The following COL23A1 variants were observed in gnomAD, a reference collection of about 807,000 sequenced individuals.
COL23A1 encodes the protein collagen alpha-1(XXIII) chain.
Under a neutral mutation model 99.3 loss-of-function variants are expected in COL23A1, and 97 were observed. That is an observed-to-expected ratio of 0.98 (90% confidence interval 0.83 to 1.16). The LOEUF is 1.16. COL23A1 is among the 50% of genes most tolerant of loss of function. The probability of loss-of-function intolerance (pLI) is 0.00; values close to 1 mark genes in which losing one functional copy is unlikely to be tolerated. For missense variants in COL23A1, 762 were observed against 757.4 expected, an observed-to-expected ratio of 1.01 and a Z score of -0.07; for synonymous variants, 320 against 308.2, an observed-to-expected ratio of 1.04 and a Z score of -0.40.
At chr5:178,296,480 AC>A (rs1757748236) in intron 3 of COL23A1, among the ~76,000 whole-genome samples, 1 of 151,280 alleles carries the variant, frequency 6.6e-6, no homozygotes, top group Admixed American at 6.6e-5. Context: ...GCACTTCACG[AC>A]CCCCGCGGAT....
intron 9 of COL23A1, among the ~76,000 whole-genome samples, chr5:178,263,002 T>C (rs1177145252): frequency 6.6e-6 from 1 of 151,738 alleles, no homozygotes; most frequent in East Asian, 1.9e-4. Context: ...TAGGGTTGGG[T>C]TTGGGTCTGG....
intron 2 of COL23A1, among the ~76,000 whole-genome samples, chr5:178,331,940 G>A (rs1488570948): frequency 6.6e-6 from 1 of 152,226 alleles, no homozygotes; most frequent in Non-Finnish European, 1.5e-5. Flanking sequence ...GGGCACAGCT[G>A]CGGGAGGCTG....
intron 2 of COL23A1, among the ~76,000 whole-genome samples, chr5:178,321,550 C>T (rs1488210850): frequency 3.7e-5 from 5 of 136,578 alleles, no homozygotes; most frequent in African/African-American, 1.1e-4. Flanking sequence ...AGTGCAGTGG[C>T]ACGATCTCGG....
chr5:178,245,093 GTCCA>G (rs1402390476), intron 25 of COL23A1, among the ~76,000 whole-genome samples: 1 of 105,146 alleles, frequency 9.5e-6, no homozygotes, highest in African/African-American at 3.8e-5. Context: ...CCATCCATCC[GTCCA>G]TCCATCCCTC....
At chr5:178,413,726 A>C (rs1377158848) in intron 2 of COL23A1, among the ~76,000 whole-genome samples, 2 of 152,198 alleles carry the variant, frequency 1.3e-5, no homozygotes. Context: ...TCATTAGCCT[A>C]TGTGGGGATG....
intron 2 of COL23A1, among the ~76,000 whole-genome samples, chr5:178,523,239 CAGAGAGAGAGAGAGAGACAG>C (rs1258389108): frequency 8.2e-4 from 54 of 66,224 alleles, no homozygotes; most frequent in African/African-American, 2.5e-3. Context: ...GAGGGAGAGA[CAGAGAGAGAGAGAGAGACAG>C]AGAGAGAGAG....
intron 2 of COL23A1, among the ~76,000 whole-genome samples, chr5:178,400,351 A>G (rs1764375910): frequency 8.0e-6 from 1 of 125,470 alleles, no homozygotes; most frequent in African/African-American, 3.2e-5. Flanking sequence ...TGGGCGACAG[A>G]GCGAGACTCC....
At chr5:178,269,454 C>T (rs1240561380) in intron 6 of COL23A1, among the ~76,000 whole-genome samples, 10 of 76,650 alleles carry the variant, frequency 1.3e-4, no homozygotes, top group African/African-American at 5.0e-4. Context: ...CACCCATCCA[C>T]CCATCCATCC....
intron 5 of COL23A1, among the ~76,000 whole-genome samples, chr5:178,283,353 A>G (rs2127578804): frequency 6.6e-6 from 1 of 152,236 alleles, no homozygotes; most frequent in South Asian, 2.1e-4. Flanking sequence ...GTACCTGAAC[A>G]CACAAAGCTT....
chr5:178,342,988 G>C (rs545829466), intron 2 of COL23A1, among the ~76,000 whole-genome samples: 89 of 152,332 alleles, frequency 5.8e-4, no homozygotes, highest in Non-Finnish European at 1.3e-4. Flanking sequence ...GGACTGTAAG[G>C]CCACAGGGGA....
chr5:178,264,658 T>C (rs1474634990), intron 8 of COL23A1, among the ~76,000 whole-genome samples: 1 of 152,132 alleles, frequency 6.6e-6, no homozygotes, highest in Non-Finnish European at 1.5e-5. Flanking sequence ...AAGATGTTTT[T>C]TTGTTTGTTT....
chr5:178,289,459 A>G (rs562183615), intron 4 of COL23A1, among the ~76,000 whole-genome samples: 5 of 152,278 alleles, frequency 3.3e-5, no homozygotes, highest in South Asian at 4.1e-4. Flanking sequence ...TGCTTCCCTC[A>G]TACCCTTCAC....
intron 2 of COL23A1, among the ~76,000 whole-genome samples, chr5:178,364,141 C>T (rs1391060353): frequency 1.3e-5 from 2 of 152,156 alleles, no homozygotes; most frequent in African/African-American, 2.4e-5. Context: ...CATTTAAAGC[C>T]GCGTGTGCTT....
chr5:178,545,305 G>A (rs1178251059), intron 2 of COL23A1, among the ~76,000 whole-genome samples: 3 of 152,104 alleles, frequency 2.0e-5, no homozygotes, highest in African/African-American at 7.2e-5. Flanking sequence ...CCCTGTGCTG[G>A]CCCAACAGGG....
intron 2 of COL23A1, among the ~76,000 whole-genome samples, chr5:178,454,014 T>A (rs1767632460): frequency 6.6e-6 from 1 of 152,164 alleles, no homozygotes; most frequent in Non-Finnish European, 1.5e-5. Flanking sequence ...TATCACACTC[T>A]TAAAAAAAAG....
intron 2 of COL23A1, among the ~76,000 whole-genome samples, chr5:178,406,668 T>C (rs887136147): frequency 1.3e-5 from 2 of 152,286 alleles, no homozygotes; most frequent in Non-Finnish European, 2.9e-5. Context: ...GACCTTGTGA[T>C]CTGCCCGCCT....
intron 2 of COL23A1, among the ~76,000 whole-genome samples, chr5:178,350,242 C>T (rs557164771): frequency 6.6e-6 from 1 of 152,352 alleles, no homozygotes; most frequent in South Asian, 2.1e-4. Context: ...CCTTCTTGCT[C>T]CCAGCCCTGC....
chr5:178,463,130 A>G (rs558607531), intron 2 of COL23A1, among the ~76,000 whole-genome samples: 26 of 152,370 alleles, frequency 1.7e-4, no homozygotes, highest in African/African-American at 6.3e-4. Flanking sequence ...TCTGAACTTC[A>G]GCAGCACGGA....
chr5:178,375,498 C>T (rs1374087244), intron 2 of COL23A1, among the ~76,000 whole-genome samples: 1 of 152,246 alleles, frequency 6.6e-6, no homozygotes, highest in Non-Finnish European at 1.5e-5. Flanking sequence ...CTGTCTCACA[C>T]AGAGTCGATG....
Sources: allele counts gnomAD v4.1 joint callset (sites outside exome capture counted in the v4.1 genomes callset), GRCh38; gene constraint gnomAD v4.1.1; transcripts MANE v1.5; gene names NCBI Gene and HGNC (gene_info 2026-07-23, HGNC 2026-07-21).